The following GTF2IRD1 variants were observed in gnomAD, a reference collection of about 807,000 sequenced individuals.
GTF2IRD1 encodes general transcription factor II-I repeat domain-containing protein 1.
A neutral mutation model predicts 113.2 loss-of-function variants in GTF2IRD1; 26 were observed. The observed-to-expected ratio is 0.23, with a 90% CI of 0.17 to 0.32. The LOEUF is 0.32. Among genes scored for constraint, GTF2IRD1 ranks in the 10% least tolerant of loss-of-function variants. The pLI, the probability that GTF2IRD1 is intolerant of heterozygous loss-of-function variation, is 1.00. For missense variants in GTF2IRD1, 864 were observed against 1,280.8 expected (o/e 0.67, Z 4.97); for synonymous variants, 484 against 529.1 (o/e 0.91, Z 1.17).
chr7:74,598,297 C>T (rs1363215235), intron 25 of GTF2IRD1, among the ~76,000 whole-genome samples: 2 of 151,888 alleles, frequency 1.3e-5, no homozygotes, highest in East Asian at 3.9e-4. Flanking sequence ...TTGGTTTACT[C>T]TCAGGTCAAA....
chr7:74,547,734 A>C, intron 17 of GTF2IRD1, among the ~76,000 whole-genome samples: 1 of 147,684 alleles, frequency 6.8e-6, no homozygotes. Context: ...CCACGGCACC[A>C]GGCCTTTCTT....
chr7:74,464,528 C>T (rs1554330351), intron 1 of GTF2IRD1, among the ~76,000 whole-genome samples: 1 of 152,066 alleles, frequency 6.6e-6, no homozygotes, highest in Non-Finnish European at 1.5e-5. Flanking sequence ...CTCATGGCAG[C>T]CCCCCTCCTC....
chr7:74,569,209 G>T (rs782725097), intron 22 of GTF2IRD1, among the ~76,000 whole-genome samples: 1 of 152,222 alleles, frequency 6.6e-6, no homozygotes, highest in Non-Finnish European at 1.5e-5. Context: ...GCCAGTCCCT[G>T]CAGAGATTAG....
At chr7:74,585,004 G>A (rs1279120462) in intron 22 of GTF2IRD1, among the ~76,000 whole-genome samples, 4 of 151,770 alleles carry the variant, frequency 2.6e-5, no homozygotes, top group African/African-American at 7.3e-5. Context: ...GTTTCACCAC[G>A]TTGGACAGGC....
chr7:74,530,035 C>G, intron 9 of GTF2IRD1, 118 bp downstream of exon 9: 1 of 681,150 alleles, frequency 1.5e-6, no homozygotes, highest in South Asian at 1.8e-5. Flanking sequence ...CATGGCAAAA[C>G]CCCGTCTCTA....
intron 24 of GTF2IRD1, among the ~76,000 whole-genome samples, chr7:74,593,702 C>T (rs1253544138): frequency 2.7e-5 from 4 of 145,520 alleles, no homozygotes; most frequent in African/African-American, 1.0e-4. Flanking sequence ...CACTGCACTC[C>T]AGCCTGGATG....
chr7:74,567,196 C>T (rs782664438), intron 22 of GTF2IRD1, among the ~76,000 whole-genome samples: 2 of 152,030 alleles, frequency 1.3e-5, no homozygotes, highest in African/African-American at 2.4e-5. Flanking sequence ...GGCATGGTGG[C>T]GCATGCCTGT....
chr7:74,474,848 C>T (rs1794310876), intron 1 of GTF2IRD1, among the ~76,000 whole-genome samples: 1 of 152,072 alleles, frequency 6.6e-6, no homozygotes, highest in Non-Finnish European at 1.5e-5. Flanking sequence ...AGCAGTGGCT[C>T]GGGCCTGTAA....
intron 1 of GTF2IRD1, chr7:74,506,877 C>T (rs1554341216): frequency 6.6e-6 from 1 of 152,504 alleles, no homozygotes; most frequent in Non-Finnish European, 1.5e-5. Context: ...GCTCTGTCCC[C>T]CAGGAACCCC....
chr7:74,496,508 T>G (rs1171156110), intron 1 of GTF2IRD1, among the ~76,000 whole-genome samples: 5 of 148,620 alleles, frequency 3.4e-5, no homozygotes, highest in South Asian at 2.1e-4. Flanking sequence ...TGTGTTCATG[T>G]GGGTGTGCGT....
chr7:74,509,460 G>T (rs1796496000), intron 2 of GTF2IRD1, among the ~76,000 whole-genome samples: 1 of 151,914 alleles, frequency 6.6e-6, no homozygotes, highest in South Asian at 2.1e-4. Flanking sequence ...TTGAACCTGG[G>T]AGGCAGAGGT....
At chr7:74,579,556 T>A (rs1177627214) in intron 22 of GTF2IRD1, among the ~76,000 whole-genome samples, 2 of 150,214 alleles carry the variant, frequency 1.3e-5, no homozygotes, top group Non-Finnish European at 3.0e-5. Flanking sequence ...AGGCGGAGGT[T>A]GCAGTGAGCC....
intron 13 of GTF2IRD1, among the ~76,000 whole-genome samples, chr7:74,539,466 G>T (rs1798498872): frequency 6.6e-6 from 1 of 151,888 alleles, no homozygotes; most frequent in Non-Finnish European, 1.5e-5. Flanking sequence ...AGAAATGACT[G>T]GGCGCAGTGG....
intron 14 of GTF2IRD1, 92 bp downstream of exon 14, chr7:74,540,060 T>C: frequency 2.3e-6 from 2 of 880,878 alleles, no homozygotes; most frequent in Non-Finnish European, 3.8e-6. Context: ...CAGGTGTTTC[T>C]TGGTGTCAGC....
intron 24 of GTF2IRD1, among the ~76,000 whole-genome samples, chr7:74,594,135 G>T (rs1449523058): frequency 6.6e-6 from 1 of 151,578 alleles, no homozygotes; most frequent in Non-Finnish European, 1.5e-5. Flanking sequence ...GGAGGTGGAG[G>T]TTGCAGTGAG....
At chr7:74,524,012 G>T in intron 7 of GTF2IRD1, 59 bp from the exon 8 acceptor site, 1 of 1,216,326 alleles carries the variant, frequency 8.2e-7, no homozygotes. Flanking sequence ...CATGGCCGGT[G>T]GAGGGCGTGT....
chr7:74,580,324 G>T (rs1183351420), intron 22 of GTF2IRD1, among the ~76,000 whole-genome samples: 3 of 152,116 alleles, frequency 2.0e-5, no homozygotes, highest in Non-Finnish European at 4.4e-5. Context: ...ACAGATCGCA[G>T]TCTCTCCCCT....
chr7:74,455,383 A>G (rs1214898646), intron 1 of GTF2IRD1, among the ~76,000 whole-genome samples: 1 of 152,180 alleles, frequency 6.6e-6, no homozygotes, highest in Non-Finnish European at 1.5e-5. Context: ...CGCCGCTGCC[A>G]TGGTCGGCCT....
intron 1 of GTF2IRD1, among the ~76,000 whole-genome samples, chr7:74,502,059 G>A (rs576089378): frequency 4.6e-5 from 7 of 152,198 alleles, no homozygotes; most frequent in East Asian, 3.9e-4. Flanking sequence ...TGATCCTCCC[G>A]TCTCAGCCTC....
Sources: gnomAD v4.1 joint callset for allele counts (sites outside exome capture counted in the v4.1 genomes callset) on GRCh38, gnomAD v4.1.1 for gene constraint, MANE v1.5 for transcripts, NCBI Gene and HGNC (gene_info 2026-07-23, HGNC 2026-07-21) for gene names.